SOX6: variants seen among roughly 807,000 people sequenced by gnomAD.
SOX6 encodes the protein transcription factor SOX-6.
SOX6 carries 11 observed loss-of-function variants against 97.8 expected under a neutral mutation model. The ratio of observed to expected loss-of-function variants is 0.11; its 90% CI spans 0.07 to 0.19. The LOEUF is 0.19. SOX6 is among the 10% of genes least tolerant of loss of function. SOX6 has a pLI of 1.00. For synonymous variants in SOX6, 360 were observed against 371.4 expected (o/e 0.97, Z 0.35); for missense variants, 810 against 1,039.5 (o/e 0.78, Z 3.04).
intron 3 of SOX6, among the ~76,000 whole-genome samples, chr11:16,663,039 GT>G (rs1228781052): frequency 2.0e-5 from 3 of 149,156 alleles, no homozygotes; most frequent in African/African-American, 7.4e-5. Flanking sequence ...AAGGGTCTCA[GT>G]TAAAAAAAAA....
chr11:16,253,114 T>G (rs560828728), intron 3 of SOX6, among the ~76,000 whole-genome samples: 1 of 152,102 alleles, frequency 6.6e-6, no homozygotes, highest in South Asian at 2.1e-4. Flanking sequence ...TTGGGAGGCC[T>G]AGGCGGGCAG....
At chr11:16,533,943 T>C (rs1032124639) in intron 4 of SOX6, among the ~76,000 whole-genome samples, 6 of 152,126 alleles carry the variant, frequency 3.9e-5, no homozygotes, top group Admixed American at 3.9e-4. Context: ...GCACATGTTT[T>C]TGTCTTGTGT....
At chr11:16,560,581 ATATATGTTTATACGTACATG>A (rs1427820339) in intron 4 of SOX6, among the ~76,000 whole-genome samples, 13 of 109,786 alleles carry the variant, frequency 1.2e-4, no homozygotes, top group African/African-American at 4.1e-4. Context: ...TTATACGTAC[ATATATGTTTATACGTACATG>A]TATGTTTATA....
At chr11:16,623,561 TTTAA>T (rs1309878901) in intron 3 of SOX6, among the ~76,000 whole-genome samples, 2 of 152,316 alleles carry the variant, frequency 1.3e-5, no homozygotes, top group Admixed American at 6.5e-5. Flanking sequence ...AGCTTTCGAG[TTTAA>T]TTAAGTCCCA....
chr11:16,525,427 A>G (rs1861141647), intron 4 of SOX6, among the ~76,000 whole-genome samples: 1 of 152,100 alleles, frequency 6.6e-6, no homozygotes, highest in Non-Finnish European at 1.5e-5. Flanking sequence ...CTGGCTAGCC[A>G]TATGTAGAAA....
At chr11:16,150,880 A>C (rs1272823843) in intron 6 of SOX6, among the ~76,000 whole-genome samples, 1 of 152,180 alleles carries the variant, frequency 6.6e-6, no homozygotes. Context: ...ATCCCTGGGA[A>C]GCAAAAGCCA....
chr11:16,175,220 A>C (rs1851152679), intron 6 of SOX6, among the ~76,000 whole-genome samples: 1 of 151,966 alleles, frequency 6.6e-6, no homozygotes. Context: ...TATGTACATG[A>C]AGGTTTCTCT....
chr11:16,636,975 G>A (rs749739846), intron 3 of SOX6, among the ~76,000 whole-genome samples: 1 of 152,082 alleles, frequency 6.6e-6, no homozygotes, highest in Non-Finnish European at 1.5e-5. Context: ...CCCTATAGCA[G>A]CCTGAGAACA....
At chr11:16,597,643 T>C (rs993025089) in intron 4 of SOX6, among the ~76,000 whole-genome samples, 3 of 151,978 alleles carry the variant, frequency 2.0e-5, no homozygotes, top group African/African-American at 7.2e-5. Context: ...TTGAGATGGG[T>C]ATATTTGACA....
At chr11:16,710,478 T>G (rs1848170358) in intron 3 of SOX6, among the ~76,000 whole-genome samples, 1 of 152,224 alleles carries the variant, frequency 6.6e-6, no homozygotes, top group Non-Finnish European at 1.5e-5. Flanking sequence ...TGTGCTTATC[T>G]TCACTTCTCA....
chr11:16,216,697 T>C (rs1237090688), intron 4 of SOX6, among the ~76,000 whole-genome samples: 1 of 152,178 alleles, frequency 6.6e-6, no homozygotes, highest in Non-Finnish European at 1.5e-5. Context: ...TTTTTCTTCA[T>C]TATTAATTCT....
chr11:16,338,166 ATTTTC>A (rs1395799103), intron 2 of SOX6, among the ~76,000 whole-genome samples: 8 of 151,946 alleles, frequency 5.3e-5, no homozygotes, highest in Admixed American at 2.0e-4. Flanking sequence ...TATTTTTTAG[ATTTTC>A]TTTTAAGTTT....
intron 4 of SOX6, among the ~76,000 whole-genome samples, chr11:16,526,871 A>C (rs1861174558): frequency 6.6e-6 from 1 of 152,080 alleles, no homozygotes; most frequent in Non-Finnish European, 1.5e-5. Flanking sequence ...CAGTCCTCTT[A>C]ATTCTATAAA....
intron 4 of SOX6, among the ~76,000 whole-genome samples, chr11:16,595,008 T>A (rs1848196290): frequency 6.6e-6 from 1 of 152,190 alleles, no homozygotes; most frequent in African/African-American, 2.4e-5. Flanking sequence ...TGGCTTCTTA[T>A]TAAGGAACTT....
chr11:16,470,604 G>A (rs1029545662), intron 1 of SOX6, among the ~76,000 whole-genome samples: 19 of 151,976 alleles, frequency 1.3e-4, no homozygotes, highest in South Asian at 2.1e-4. Flanking sequence ...TCTCCTCCCC[G>A]ACTTAGTCTA....
intron 3 of SOX6, among the ~76,000 whole-genome samples, chr11:16,661,214 A>T (rs1417695488): frequency 6.6e-6 from 1 of 152,118 alleles, no homozygotes; most frequent in Non-Finnish European, 1.5e-5. Flanking sequence ...TTTATTCCTG[A>T]TAGTTTTTCT....
intron 4 of SOX6, among the ~76,000 whole-genome samples, chr11:16,199,711 G>A (rs779480353): frequency 1.3e-5 from 2 of 152,138 alleles, no homozygotes; most frequent in Non-Finnish European, 2.9e-5. Flanking sequence ...TTTAAGGTCC[G>A]TGAACAGTAA....
At chr11:16,277,801 A>AT (rs1854442422) in intron 3 of SOX6, among the ~76,000 whole-genome samples, 2 of 152,210 alleles carry the variant, frequency 1.3e-5, no homozygotes, top group African/African-American at 4.8e-5. Flanking sequence ...ATAGTTTAAT[A>AT]TATAGCAAGA....
chr11:16,513,105 T>C (rs1014440923), intron 4 of SOX6, among the ~76,000 whole-genome samples: 2 of 152,180 alleles, frequency 1.3e-5, no homozygotes, highest in African/African-American at 4.8e-5. Context: ...CTACAACACA[T>C]TGTTAGGTTA....
Sources: gnomAD v4.1 joint callset for allele counts (sites outside exome capture counted in the v4.1 genomes callset) on GRCh38, gnomAD v4.1.1 for gene constraint, MANE v1.5 for transcripts, NCBI Gene and HGNC (gene_info 2026-07-23, HGNC 2026-07-21) for gene names.